Variants in LILRA6 observed in about 807,000 individuals in gnomAD.
LILRA6 encodes the protein leukocyte immunoglobulin like receptor A6.
Under a neutral mutation model 53.9 loss-of-function variants are expected in LILRA6, and 16 were observed. The ratio of observed to expected loss-of-function variants is 0.30; its 90% confidence interval spans 0.20 to 0.45. The LOEUF is 0.45. Ranked by LOEUF, LILRA6 falls within the 20% of genes least tolerant of loss-of-function variation. The pLI is 1.00. For synonymous variants in LILRA6, 135 were observed against 256.4 expected, an observed-to-expected ratio of 0.53 and a Z score of 4.52; for missense variants, 306 against 618.6, an observed-to-expected ratio of 0.49 and a Z score of 5.36.
At chr19:54,237,217 G>C (rs2078651203), downstream of LILRA6, 1 of 150,686 alleles carries the variant, frequency 6.6e-6, no homozygotes, top group Non-Finnish European at 1.5e-5. Context: ...ACAAAAATTA[G>C]CGAGGTGTGA....
chr19:54,242,741 G>T, exon 1 of LILRA6: 1 of 1,066,566 alleles, frequency 9.4e-7, no homozygotes, highest in Non-Finnish European at 1.3e-6. Flanking sequence ...GGCTGCGAGG[G>T]TGGGGGTCAT....
Position 54,242,566 on chromosome 19 carries a change from T to A in LILRA6, c.35-12A>T. 1.9e-6 allele frequency: 2 copies of A among 1,078,750 alleles called. 1 individual carries two copies. Among genetic ancestry groups the A allele is most frequent in the Non-Finnish European group, 2.5e-6 (2 of 785,368 alleles). The allele number at this position is 1,078,750 out of a possible 1,614,324, so 66.8% of individuals were successfully genotyped here. A position where few individuals can be genotyped will look rare whatever the true frequency, so the allele number is the denominator to read the frequency against. ...GCCCAGACTCAGCCCTGGAAGAGAATTCCCTGTGAGGCATTTGCCCTGAAG... is the reference window on the plus strand; with the variant it reads ...GCCCAGACTCAGCCCTGGAAGAGAAATCCCTGTGAGGCATTTGCCCTGAAG... On this transcript the variant is annotated splice_polypyrimidine_tract_variant and intron_variant, in intron 1 of 7. Coordinates refer to ENST00000396365, the Ensembl canonical transcript of LILRA6.
chr19:54,236,988 AG>A (rs2078648866), downstream of LILRA6: 1 of 150,948 alleles, frequency 6.6e-6, no homozygotes, highest in South Asian at 2.1e-4. Context: ...AGAGCTCAGT[AG>A]GGTGACCATA....
Position 54,241,875 on chromosome 19 carries a change from G to A in LILRA6, c.359C>T (p.Ala120Val), listed in dbSNP as rs1132593. 16 of 1,292,516 alleles carry A rather than the reference G, an allele frequency of 1.2e-5. 2 individuals carry two copies. Among genetic ancestry groups the A allele is most frequent in the Middle Eastern group, 2.4e-4 (1 of 4,198 alleles). The allele number at this position is 1,292,516 out of a possible 1,614,324, so 80.1% of individuals were successfully genotyped here. The change falls in exon 4 of 8, where the codon GCC becomes GTC. Residue 120 changes from alanine (A) to valine (V), a missense_variant. Ala to Val is a moderately conservative substitution (Grantham distance 64). Around this residue, in one of 9 missense-constraint regions of LILRA6, gnomAD observed 35 missense variants for 39.5 expected, o/e 0.89. Transcript: ENST00000396365. Reference sequence around the variant, plus strand: ...GGCTGAGAGGGTGGGTTTGCTATAGGCTCCTAGGAGAGAAAGAGGCACCAT... The same window carrying A: ...GGCTGAGAGGGTGGGTTTGCTATAGACTCCTAGGAGAGAAAGAGGCACCAT...
At chr19:54,241,238 C>T (rs2078756115) in intron 4 of LILRA6, 111 bp from the exon 5 acceptor site, 1 of 1,285,874 alleles carries the variant, frequency 7.8e-7, no homozygotes, top group Non-Finnish European at 1.0e-6. Flanking sequence ...AGTCTCTGAC[C>T]CCAGGGCCTC....
At chr19:54,239,683 T>C in intron 7 of LILRA6, 1 of 1,543,564 alleles carries the variant, frequency 6.5e-7, no homozygotes, top group Non-Finnish European at 8.7e-7. Flanking sequence ...GACAGGGAGG[T>C]GAAGCCTGGG....
chr19:54,240,291 A>AG lies in LILRA6; in HGVS notation c.1240dup (p.Leu414ProfsTer54). 3.7e-6 allele frequency: 6 copies of AG among 1,603,720 alleles called. No homozygotes were observed. The highest frequency in any genetic ancestry group is 5.1e-6 in the Non-Finnish European group (6 of 1,177,598). On this transcript the variant is annotated frameshift_variant, in exon 6 of 8. Coordinates refer to ENST00000396365, the Ensembl canonical transcript of LILRA6. LOFTEE classifies it high-confidence loss of function. ...GCCCTCACCTGAGACCATGAGTTCC[A>AG]GGGGCTCACTGGGGAAAGACAGCAG...
At chr19:54,238,401 C>T (rs982251352), downstream of LILRA6, 1 of 151,692 alleles carries the variant, frequency 6.6e-6, no homozygotes, top group African/African-American at 2.5e-5. Flanking sequence ...AATTTGCAGT[C>T]CTACCATGGA....
exon 4 of LILRA6, chr19:54,241,790 C>A: frequency 7.4e-7 from 1 of 1,350,534 alleles, no homozygotes. Context: ...GGTGATATCC[C>A]TTCTGTGAGC....
At chr19:54,239,486 T>G (rs929116649) in intron 7 of LILRA6, 1 of 639,370 alleles carries the variant, frequency 1.6e-6, no homozygotes, top group Admixed American at 3.3e-5. Flanking sequence ...TCCCATGGGC[T>G]GGATTCTCCA....
intron 7 of LILRA6, chr19:54,239,618 C>G (rs1013801278): frequency 2.6e-5 from 28 of 1,074,190 alleles, no homozygotes; most frequent in Admixed American, 2.6e-4. Flanking sequence ...TCCAGGGAGT[C>G]ACTGGCCTGA....
At position 54,240,773 on chromosome 19, in the gene LILRA6, C is replaced by G. The variant is rs548542762; in HGVS notation, c.955+58G>C. ...CATCCCGGCCATCACCACCTGGGCTCCCCCGGCAGGGCCTGTGCAGAGCCT... is the reference window on the plus strand; with the variant it reads ...CATCCCGGCCATCACCACCTGGGCTGCCCCGGCAGGGCCTGTGCAGAGCCT... On this transcript the variant is annotated intron_variant, in intron 5 of 7. Transcript: ENST00000396365. 9 of 1,606,790 alleles carry G rather than the reference C, an allele frequency of 5.6e-6. No homozygotes were observed. In the Admixed American group the frequency reaches 1.5e-4, roughly 27 times the overall value.
exon 4 of LILRA6, chr19:54,241,648 A>T: frequency 1.3e-6 from 2 of 1,504,948 alleles, no homozygotes; most frequent in Non-Finnish European, 9.0e-7. Flanking sequence ...TAGTAATAGC[A>T]TGTGAACCTC....
At chr19:54,236,910 G>C (rs547730464), downstream of LILRA6, 1 of 151,194 alleles carries the variant, frequency 6.6e-6, no homozygotes, top group South Asian at 2.1e-4. Context: ...TGGAGGACAG[G>C]GATGGAGAGA....
Position 54,239,041 on chromosome 19 carries a change from A to G in LILRA6, c.1358T>C (p.Met453Thr), listed in dbSNP as rs1335967846. Residue 453 changes from methionine (M) to threonine (T), a missense_variant, in exon 8 of 8, where the codon ATG (methionine) becomes ACG (threonine). Met to Thr is a moderately conservative substitution (Grantham distance 81). This residue lies in a region of LILRA6 where 59 missense variants were observed against 58.6 expected (regional missense o/e 1.01). Coordinates refer to ENST00000396365, the Ensembl canonical transcript of LILRA6. ...GAGGAACACCAGGACCAAGCCTGCC[A>G]TGCCCATGCGGATGAGATTCTCCAC... The G allele has an allele frequency of 6.2e-6, 10 of 1,611,244 alleles. No homozygotes were observed. The South Asian group carries it at 8.8e-5, about 14-fold the overall frequency.
chr19:54,237,201 A>G (rs1240574425), downstream of LILRA6: 1 of 150,674 alleles, frequency 6.6e-6, no homozygotes, highest in Non-Finnish European at 1.5e-5. Context: ...CGTCTGTAAT[A>G]AAAATACAAA....
chr19:54,239,305 C>G, intron 7 of LILRA6: 1 of 1,406,166 alleles, frequency 7.1e-7, no homozygotes, highest in Non-Finnish European at 9.5e-7. Context: ...GCCAGCCTCT[C>G]CCCTGGGCTC....
At chr19:54,238,040 A>C (rs1355006292), downstream of LILRA6, 2 of 126,040 alleles carry the variant, frequency 1.6e-5, no homozygotes, top group African/African-American at 3.2e-5. Context: ...TTTTTTTTTT[A>C]GATGAAGTCT....
At chr19:54,239,858 C>T in intron 7 of LILRA6, 43 bp downstream of exon 7, 1 of 1,551,280 alleles carries the variant, frequency 6.4e-7, no homozygotes, top group Non-Finnish European at 8.7e-7. Flanking sequence ...ACTCAGACTG[C>T]CCTGGGGGAG....
Sources: gnomAD v4.1 joint callset for allele counts on GRCh38, gnomAD v4.1.1 for gene constraint, gnomAD v4.1.1 regional missense constraint, MANE v1.5 for transcripts, NCBI Gene and HGNC (gene_info 2026-07-23, HGNC 2026-07-21) for gene names.